The following RYR3 variants were observed in gnomAD, a reference collection of about 807,000 sequenced individuals.
RYR3 encodes the protein brain ryanodine receptor-calcium release channel.
A neutral mutation model predicts 584.3 loss-of-function variants in RYR3; 207 were observed. The observed-to-expected ratio is 0.35, with a 90% CI of 0.32 to 0.40. RYR3 has a LOEUF of 0.40. RYR3 is among the 10% of genes least tolerant of loss of function. The pLI is 1.00. For synonymous variants in RYR3, 2,416 were observed against 2,248.5 expected, an observed-to-expected ratio of 1.07 and a Z score of -2.11; for missense variants, 5,616 against 6,089.2, an observed-to-expected ratio of 0.92 and a Z score of 2.59.
intron 74 of RYR3, chr15:33,815,560 GTC>G (rs1426822075): frequency 7.5e-6 from 2 of 267,274 alleles, no homozygotes; most frequent in Admixed American, 1.1e-4. Context: ...GTAAGAGTAA[GTC>G]TAGGAATTCA....
chr15:33,786,113 C>G, intron 66 of RYR3, 131 bp downstream of exon 66: 3 of 721,936 alleles, frequency 4.2e-6, no homozygotes, highest in Non-Finnish European at 6.4e-6. Context: ...CCATGCCCAC[C>G]CCAGTTGCTT....
At chr15:33,858,833 T>C (rs2080011741) in intron 99 of RYR3, 1 of 152,218 alleles carries the variant, frequency 6.6e-6, no homozygotes, top group African/African-American at 2.4e-5. Context: ...GACAGTGAAA[T>C]GCCCAGTCTG....
At chr15:33,577,558 G>T (rs6495179) in intron 12 of RYR3, among the ~76,000 whole-genome samples, 36,248 of 151,946 alleles carry the variant, frequency 0.24, 7,150 homozygotes, top group African/African-American at 0.55. Flanking sequence ...GAGAACTGGC[G>T]AGCCATGTGC....
At chr15:33,845,712 C>G (rs2078682550) in intron 93 of RYR3, among the ~76,000 whole-genome samples, 2 of 152,208 alleles carry the variant, frequency 1.3e-5, no homozygotes, top group Admixed American at 1.3e-4. Flanking sequence ...ACATGGAGAG[C>G]TAGTCATGAC....
At chr15:33,842,559 C>T (rs907520900) in intron 91 of RYR3, among the ~76,000 whole-genome samples, 1 of 152,210 alleles carries the variant, frequency 6.6e-6, no homozygotes, top group Non-Finnish European at 1.5e-5. Flanking sequence ...TTCCCTAGCA[C>T]CATTAGTGAG....
intron 66 of RYR3, among the ~76,000 whole-genome samples, chr15:33,787,913 C>T (rs917622584): frequency 7.2e-5 from 11 of 152,200 alleles, no homozygotes; most frequent in African/African-American, 2.2e-4. Context: ...AATAGTCTGT[C>T]ACGAAGAGCT....
At chr15:33,700,897 CTTACGTG>C (rs2066252331) in intron 41 of RYR3, 73 bp from the exon 42 acceptor site, 1 of 981,854 alleles carries the variant, frequency 1.0e-6, no homozygotes, top group Non-Finnish European at 1.5e-6. Flanking sequence ...CTCCTGTCCG[CTTACGTG>C]CACTGCAGTC....
At chr15:33,768,590 G>A in intron 60 of RYR3, 68 bp from the exon 61 acceptor site, 8 of 1,325,962 alleles carry the variant, frequency 6.0e-6, no homozygotes, top group Non-Finnish European at 8.7e-6. Context: ...GGACATTGGG[G>A]TGGGGGATAC....
chr15:33,699,626 T>TAAGACTCTG, intron 40 of RYR3, 78 bp from the exon 41 acceptor site: 1 of 1,393,610 alleles, frequency 7.2e-7, no homozygotes, highest in Non-Finnish European at 9.9e-7. Flanking sequence ...TTTACCCACT[T>TAAGACTCTG]AAGACTCTGA....
intron 38 of RYR3, among the ~76,000 whole-genome samples, chr15:33,684,962 G>A (rs1447973716): frequency 2.0e-5 from 3 of 152,160 alleles, no homozygotes; most frequent in Non-Finnish European, 4.4e-5. Context: ...ACATGGAAAG[G>A]AACAACCAGT....
At chr15:33,334,281 A>G (rs1310676978) in intron 1 of RYR3, among the ~76,000 whole-genome samples, 1 of 152,234 alleles carries the variant, frequency 6.6e-6, no homozygotes, top group Non-Finnish European at 1.5e-5. Context: ...ACTTCAAACT[A>G]TACTAAAAGG....
At chr15:33,464,467 T>TATATATATATATATATACAC (rs2048293059) in intron 1 of RYR3, among the ~76,000 whole-genome samples, 1 of 75,358 alleles carries the variant, frequency 1.3e-5, no homozygotes, top group African/African-American at 8.9e-5. Context: ...GGTGGAGATA[T>TATATATATATATATATACAC]ATATATATAT....
intron 10 of RYR3, among the ~76,000 whole-genome samples, chr15:33,560,262 A>G (rs2057328823): frequency 6.6e-6 from 1 of 152,160 alleles, no homozygotes; most frequent in Non-Finnish European, 1.5e-5. Flanking sequence ...TGTTTTTCAT[A>G]TGGATTTTGT....
chr15:33,529,439 G>C (rs191499904), intron 3 of RYR3, among the ~76,000 whole-genome samples: 1 of 152,146 alleles, frequency 6.6e-6, no homozygotes, highest in Non-Finnish European at 1.5e-5. Flanking sequence ...CCTCTGCATT[G>C]CTCATTGGTG....
chr15:33,530,554 C>A, intron 3 of RYR3, 38 bp from the exon 4 acceptor site: 1 of 1,454,580 alleles, frequency 6.9e-7, no homozygotes, highest in Non-Finnish European at 9.6e-7. Flanking sequence ...GAAGCCACAA[C>A]GGGCATGTGC....
intron 67 of RYR3, among the ~76,000 whole-genome samples, chr15:33,793,473 C>T (rs1182131272): frequency 1.3e-5 from 2 of 152,076 alleles, no homozygotes; most frequent in African/African-American, 2.4e-5. Flanking sequence ...CTACCTAGCC[C>T]TTCCCCATTC....
Position 33,670,533 on chromosome 15 carries a change from CGGA to C in RYR3, c.5848_5850del (p.Glu1950del), listed in dbSNP as rs777150374. The C allele has an allele frequency of 5.6e-6, 9 of 1,593,266 alleles. No individual in the cohort carries two copies. The highest frequency in any genetic ancestry group is 1.8e-5 in the Admixed American group (1 of 54,856). On this transcript the variant is annotated inframe_deletion, in exon 38 of 104. Transcript: ENST00000634891. ...CCCAAGCCAGAGAAGGAGCAGCCGA[CGGA>C]GGAGGAGGAGAGATGCCCCAGTAAG...
At chr15:33,759,001 CAG>C (rs1382963752) in intron 60 of RYR3, among the ~76,000 whole-genome samples, 1 of 152,198 alleles carries the variant, frequency 6.6e-6, no homozygotes, top group Non-Finnish European at 1.5e-5. Flanking sequence ...CCCAGGCAAA[CAG>C]GGTCTGGAGT....
intron 18 of RYR3, among the ~76,000 whole-genome samples, chr15:33,603,697 CTTATT>C (rs2059779881): frequency 1.3e-5 from 2 of 152,146 alleles, no homozygotes; most frequent in Admixed American, 1.3e-4. Context: ...TCATTTTTCT[CTTATT>C]TTATCCTCAC....
Sources: allele counts gnomAD v4.1 joint callset (sites outside exome capture counted in the v4.1 genomes callset), GRCh38; gene constraint gnomAD v4.1.1; transcripts MANE v1.5; gene names NCBI Gene and HGNC (gene_info 2026-07-23, HGNC 2026-07-21).